Variants in AGTPBP1 observed in about 807,000 individuals in gnomAD.
AGTPBP1 encodes the protein ATP/GTP binding carboxypeptidase 1, also known as cytosolic carboxypeptidase 1.
A neutral mutation model predicts 143.9 loss-of-function variants in AGTPBP1; 70 were observed. That is an observed-to-expected ratio of 0.49 (90% confidence interval 0.40 to 0.59). The LOEUF (loss-of-function observed/expected upper bound fraction) is 0.59. AGTPBP1 is among the 20% of genes least tolerant of loss of function. The pLI is 0.00. For synonymous variants in AGTPBP1, 463 were observed against 500.2 expected (o/e 0.93, Z 0.99); for missense variants, 1,229 against 1,464.5 (o/e 0.84, Z 2.62).
At chr9:85,594,723 G>C (rs1282366139) in intron 18 of AGTPBP1, among the ~76,000 whole-genome samples, 1 of 152,188 alleles carries the variant, frequency 6.6e-6, no homozygotes, top group Non-Finnish European at 1.5e-5. Flanking sequence ...GGAAGTAGTA[G>C]CCAAAAGAAA....
At chr9:85,592,744 A>G in intron 18 of AGTPBP1, 40 bp from the exon 19 acceptor site, 3 of 1,584,456 alleles carry the variant, frequency 1.9e-6, no homozygotes, top group Non-Finnish European at 2.6e-6. Context: ...TTTCATCCAC[A>G]TGAAAACTGA....
intron 3 of AGTPBP1, among the ~76,000 whole-genome samples, chr9:85,688,444 T>C (rs1051271025): frequency 2.6e-5 from 4 of 152,236 alleles, no homozygotes; most frequent in African/African-American, 9.6e-5. Context: ...CACCAAACAT[T>C]GCCAATGTCC....
At chr9:85,701,148 G>C (rs1433866478) in intron 2 of AGTPBP1, among the ~76,000 whole-genome samples, 1 of 151,960 alleles carries the variant, frequency 6.6e-6, no homozygotes. Context: ...CTGGCCTCAA[G>C]TGATCCACTC....
intron 3 of AGTPBP1, among the ~76,000 whole-genome samples, chr9:85,689,860 A>T (rs1835727062): frequency 7.2e-6 from 1 of 139,564 alleles, no homozygotes; most frequent in South Asian, 2.4e-4. Flanking sequence ...GTGCCACTGC[A>T]CTACAGCCCG....
intron 7 of AGTPBP1, among the ~76,000 whole-genome samples, chr9:85,669,785 C>T (rs772085305): frequency 1.2e-4 from 16 of 133,122 alleles, no homozygotes; most frequent in Non-Finnish European, 1.7e-4. Flanking sequence ...AATTCTGAAA[C>T]GAGTTATATG....
At chr9:85,744,172 C>A (rs933504426), upstream of AGTPBP1, among the ~76,000 whole-genome samples, 1 of 152,060 alleles carries the variant, frequency 6.6e-6, no homozygotes, top group African/African-American at 2.4e-5. Flanking sequence ...GCTCAGCAGT[C>A]CTCCTGCCTT....
At chr9:85,701,211 CT>C (rs577823972) in intron 2 of AGTPBP1, among the ~76,000 whole-genome samples, 2,679 of 145,254 alleles carry the variant, frequency 0.018, 27 homozygotes, top group Middle Eastern at 0.059. Context: ...CACACCTGGC[CT>C]TTTTTTTTTT....
upstream of AGTPBP1, among the ~76,000 whole-genome samples, chr9:85,742,641 T>C (rs1824440871): frequency 6.6e-6 from 1 of 152,192 alleles, no homozygotes; most frequent in Non-Finnish European, 1.5e-5. Flanking sequence ...AAAAAGTGCC[T>C]GCATATAATC....
intron 13 of AGTPBP1, among the ~76,000 whole-genome samples, chr9:85,639,367 G>GCGCACACACACA (rs1554713133): frequency 4.5e-4 from 67 of 147,332 alleles, no homozygotes; most frequent in African/African-American, 1.3e-3. Flanking sequence ...GCGCGCACGC[G>GCGCACACACACA]CACACACACA....
the AGTPBP1 span, among the ~76,000 whole-genome samples, chr9:85,751,728 C>A: frequency 6.6e-6 from 1 of 152,096 alleles, no homozygotes; most frequent in East Asian, 1.9e-4. Flanking sequence ...GATTCTCGTG[C>A]CTCAGCCTCC....
chr9:85,570,942 A>G (rs1345255365), intron 25 of AGTPBP1, among the ~76,000 whole-genome samples: 1 of 152,206 alleles, frequency 6.6e-6, no homozygotes, highest in Admixed American at 6.5e-5. Flanking sequence ...CAAGATAATG[A>G]CAGCCAGGTT....
intron 19 of AGTPBP1, among the ~76,000 whole-genome samples, chr9:85,591,919 T>A (rs1449164157): frequency 6.6e-6 from 1 of 152,070 alleles, no homozygotes; most frequent in Non-Finnish European, 1.5e-5. Flanking sequence ...AGTCGATATT[T>A]AATTACTAGA....
chr9:85,780,132 C>T, the AGTPBP1 span, among the ~76,000 whole-genome samples: 1 of 151,934 alleles, frequency 6.6e-6, no homozygotes, highest in African/African-American at 2.4e-5. Context: ...CCAGTAGGAT[C>T]ATTTTATAAA....
the AGTPBP1 span, among the ~76,000 whole-genome samples, chr9:85,766,379 T>A: frequency 2.0e-5 from 3 of 152,124 alleles, no homozygotes; most frequent in Non-Finnish European, 4.4e-5. Context: ...TGATATGCAC[T>A]GGCAGATACA....
chr9:85,565,161 A>G (rs578249755), intron 25 of AGTPBP1, among the ~76,000 whole-genome samples: 145 of 152,374 alleles, frequency 9.5e-4, no homozygotes, highest in African/African-American at 3.4e-3. Flanking sequence ...ACATCTGTCA[A>G]TGAGTTACTA....
At chr9:85,650,702 T>A (rs911576132) in intron 11 of AGTPBP1, among the ~76,000 whole-genome samples, 4 of 152,170 alleles carry the variant, frequency 2.6e-5, no homozygotes, top group African/African-American at 9.7e-5. Context: ...GCCTTTAACA[T>A]CTACTTAGAC....
chr9:85,571,031 A>G (rs1009375596), intron 25 of AGTPBP1, among the ~76,000 whole-genome samples: 5 of 152,212 alleles, frequency 3.3e-5, no homozygotes, highest in African/African-American at 1.2e-4. Context: ...AGAATGGAAC[A>G]TATCACTGTG....
At chr9:85,759,199 T>G in the AGTPBP1 span, among the ~76,000 whole-genome samples, 3 of 152,146 alleles carry the variant, frequency 2.0e-5, no homozygotes, top group Non-Finnish European at 4.4e-5. Context: ...ACTGTCAATA[T>G]TAGACAGATC....
chr9:85,795,172 G>A, the AGTPBP1 span, among the ~76,000 whole-genome samples: 1 of 152,116 alleles, frequency 6.6e-6, no homozygotes, highest in Non-Finnish European at 1.5e-5. Context: ...TAGGTTAAGG[G>A]TGGTATGAGC....
Sources: gnomAD v4.1 joint callset for allele counts (sites outside exome capture counted in the v4.1 genomes callset) on GRCh38, gnomAD v4.1.1 for gene constraint, MANE v1.5 for transcripts, NCBI Gene and HGNC (gene_info 2026-07-23, HGNC 2026-07-21) for gene names.